Variants in STAG3 observed in about 807,000 individuals in gnomAD.
STAG3 encodes the protein cohesin subunit SA-3.
Under a neutral mutation model 160.7 loss-of-function variants are expected in STAG3, and 101 were observed. The ratio of observed to expected loss-of-function variants is 0.63; its 90% CI spans 0.54 to 0.74. The LOEUF (loss-of-function observed/expected upper bound fraction) is 0.74. Among genes scored for constraint, STAG3 ranks in the 30% least tolerant of loss-of-function variants. The pLI, the probability that STAG3 is intolerant of heterozygous loss-of-function variation, is 0.00. For missense variants in STAG3, 1,188 were observed against 1,517.4 expected (o/e 0.78, Z 3.61); for synonymous variants, 519 against 585.0 (o/e 0.89, Z 1.63).
At chr7:100,213,713 C>A (rs1471144201) in intron 32 of STAG3, 22 bp from the exon 33 acceptor site, 7 of 1,613,856 alleles carry the variant, frequency 4.3e-6, no homozygotes, top group Non-Finnish European at 5.9e-6. Context: ...GCCTTTTTGA[C>A]TTTTAACCTC....
chr7:100,197,755 T>A, intron 10 of STAG3, 23 bp from the exon 11 acceptor site: 11 of 1,592,782 alleles, frequency 6.9e-6, no homozygotes, highest in African/African-American at 1.3e-5. Flanking sequence ...ATTTCCATTC[T>A]CCTGGTTTTC....
intron 2 of STAG3, among the ~76,000 whole-genome samples, chr7:100,181,832 C>T (rs1353597513): frequency 1.3e-4 from 18 of 140,980 alleles, no homozygotes; most frequent in Non-Finnish European, 2.3e-4. Flanking sequence ...ACCTGGGAGG[C>T]GGAGGTTGCA....
chr7:100,182,747 T>A lies in STAG3; in HGVS notation c.244T>A (p.Ser82Thr). 1 of 1,613,926 alleles carries A rather than the reference T, an allele frequency of 6.2e-7. No homozygotes were observed. The highest frequency in any genetic ancestry group is 1.1e-5 in the South Asian group (1 of 91,070). Residue 82 changes from serine to threonine, a missense_variant, in exon 4 of 34, where the codon TCC becomes ACC. Coordinates refer to ENST00000615138, the MANE Select transcript of STAG3 (RefSeq NM_001282717.2). Reference sequence around the variant, plus strand: ...GGTGGCAAAACATCCAAAGAAAGGGTCCCGAGTGGTACATCGTCATAGCCG... The same window carrying A: ...GGTGGCAAAACATCCAAAGAAAGGGACCCGAGTGGTACATCGTCATAGCCG... ...TPVAKHPKKG[S>T]RVVHRHSRKQ...
intron 8 of STAG3, among the ~76,000 whole-genome samples, chr7:100,190,495 A>G (rs1400362170): frequency 6.6e-6 from 1 of 152,236 alleles, no homozygotes; most frequent in Admixed American, 6.5e-5. Flanking sequence ...AAAAGCTTGA[A>G]TATTAATCTA....
chr7:100,209,515 T>C (rs527319859), intron 29 of STAG3, among the ~76,000 whole-genome samples: 2 of 152,250 alleles, frequency 1.3e-5, no homozygotes, highest in South Asian at 4.2e-4. Context: ...CTGAGTGCAG[T>C]AGGAAAACCA....
chr7:100,179,746 T>G (rs951801569), intron 1 of STAG3, among the ~76,000 whole-genome samples: 1 of 152,126 alleles, frequency 6.6e-6, no homozygotes, highest in African/African-American at 2.4e-5. Context: ...ATTTATTTAT[T>G]TATTTTGAGA....
intron 32 of STAG3, chr7:100,212,259 C>T (rs1198314374): frequency 1.1e-5 from 2 of 177,792 alleles, no homozygotes; most frequent in Non-Finnish European, 2.4e-5. Context: ...CTCCATCTCC[C>T]TACTAGAGGG....
intron 6 of STAG3, 100 bp downstream of exon 6, chr7:100,188,629 A>G (rs1800173757): frequency 8.5e-7 from 1 of 1,177,462 alleles, no homozygotes; most frequent in Non-Finnish European, 1.3e-6. Context: ...TAGCTTTTAG[A>G]AGGAGGAATT....
At chr7:100,180,433 G>C (rs756427082) in intron 1 of STAG3, 60 bp from the exon 2 acceptor site, 4 of 688,986 alleles carry the variant, frequency 5.8e-6, no homozygotes, top group Non-Finnish European at 7.9e-6. Flanking sequence ...AAAGGGACTG[G>C]TCAGGGCTGG....
chr7:100,193,915 G>A (rs1037357135), intron 8 of STAG3, among the ~76,000 whole-genome samples: 3 of 146,150 alleles, frequency 2.1e-5, no homozygotes, highest in Non-Finnish European at 3.0e-5. Flanking sequence ...GCCTGTCTTG[G>A]TTTTCAACTA....
intron 8 of STAG3, among the ~76,000 whole-genome samples, chr7:100,191,960 A>G (rs1380991758): frequency 6.6e-6 from 1 of 152,256 alleles, no homozygotes. Flanking sequence ...CACCAGGAAT[A>G]GATTCCATTT....
intron 8 of STAG3, among the ~76,000 whole-genome samples, chr7:100,190,668 A>G (rs1437861817): frequency 2.0e-5 from 3 of 152,064 alleles, no homozygotes; most frequent in Non-Finnish European, 4.4e-5. Flanking sequence ...AAATGTATAT[A>G]GGCTCTTGAA....
At chr7:100,214,660 A>C (rs1212934314), downstream of STAG3, among the ~76,000 whole-genome samples, 5 of 152,004 alleles carry the variant, frequency 3.3e-5, no homozygotes, top group Non-Finnish European at 7.4e-5. Flanking sequence ...TTGTGAAGCT[A>C]CCTGTCTCAC....
chr7:100,217,770 A>G (rs1052711885), downstream of STAG3, among the ~76,000 whole-genome samples: 14 of 152,160 alleles, frequency 9.2e-5, no homozygotes, highest in African/African-American at 2.9e-4. Context: ...AGCTTACATC[A>G]TTACTTCTTC....
chr7:100,216,791 T>G (rs1802789235), downstream of STAG3, among the ~76,000 whole-genome samples: 1 of 152,032 alleles, frequency 6.6e-6, no homozygotes, highest in African/African-American at 2.4e-5. Flanking sequence ...AAAAGTTCAA[T>G]TTATTCTGAT....
Position 100,195,243 on chromosome 7 carries a change from G to C in STAG3, c.868-66G>C. ...AGTAGGTGGAAGTTGTAGTTTTTCTGTATCTTCAGGGCCTTATGCTTGTTA... is the reference window on the plus strand; with the variant it reads ...AGTAGGTGGAAGTTGTAGTTTTTCTCTATCTTCAGGGCCTTATGCTTGTTA... On this transcript the variant is annotated intron_variant, in intron 8 of 33. Transcript: ENST00000615138. 4 of 1,424,228 alleles carry C rather than the reference G, an allele frequency of 2.8e-6. No individual in the cohort carries two copies. The East Asian group carries it at 6.8e-5, about 24-fold the overall frequency. The allele number at this position is 1,424,228 out of a possible 1,614,324, so 88.2% of individuals were successfully genotyped here. A position where few individuals can be genotyped will look rare whatever the true frequency, so the allele number is the denominator to read the frequency against.
chr7:100,217,764 T>C (rs1377467406), downstream of STAG3, among the ~76,000 whole-genome samples: 1 of 152,142 alleles, frequency 6.6e-6, no homozygotes, highest in African/African-American at 2.4e-5. Context: ...GAGGACAGCT[T>C]ACATCATTAC....
chr7:100,200,978 T>C lies in STAG3; in HGVS notation c.2061+9T>C, dbSNP rs1470451879. On this transcript the variant is annotated intron_variant, in intron 19 of 33. Coordinates refer to ENST00000615138, the MANE Select transcript of STAG3 (RefSeq NM_001282717.2). Reference sequence around the variant, plus strand: ...TTGAAGAGCTGTTACAGGTAGGAGCTGGGGCTGGACAATGGGACACCCCAA... The same window carrying C: ...TTGAAGAGCTGTTACAGGTAGGAGCCGGGGCTGGACAATGGGACACCCCAA... The C allele has an allele frequency of 6.2e-7, 1 of 1,614,010 alleles. No individual in the cohort carries two copies. The highest frequency in any genetic ancestry group is 8.5e-7 in the Non-Finnish European group (1 of 1,180,020).
intron 25 of STAG3, among the ~76,000 whole-genome samples, chr7:100,203,818 T>C (rs1801379506): frequency 6.6e-6 from 1 of 152,176 alleles, no homozygotes; most frequent in African/African-American, 2.4e-5. Flanking sequence ...CCGGCCTTAT[T>C]ATTTGTTTAC....
Sources: gnomAD v4.1 joint callset for allele counts (sites outside exome capture counted in the v4.1 genomes callset) on GRCh38, gnomAD v4.1.1 for gene constraint, MANE v1.5 for transcripts, NCBI Gene and HGNC (gene_info 2026-07-23, HGNC 2026-07-21) for gene names.